The following LRRC1 variants were observed in gnomAD, a reference collection of about 807,000 sequenced individuals.
LRRC1 encodes leucine rich repeat containing 1, also known as leucine-rich repeat-containing protein 1.
Under a neutral mutation model 69.9 loss-of-function variants are expected in LRRC1, and 28 were observed. The observed-to-expected ratio is 0.40, with a 90% CI of 0.30 to 0.55. LRRC1 has a LOEUF of 0.55. LRRC1 is among the 20% of genes least tolerant of loss of function. The pLI is 0.47. For missense variants in LRRC1, 498 were observed against 609.0 expected, an observed-to-expected ratio of 0.82 and a Z score of 1.92; for synonymous variants, 236 against 240.2, an observed-to-expected ratio of 0.98 and a Z score of 0.16.
At chr6:53,816,521 T>C (rs1020899370) in intron 1 of LRRC1, among the ~76,000 whole-genome samples, 1 of 152,116 alleles carries the variant, frequency 6.6e-6, no homozygotes, top group Non-Finnish European at 1.5e-5. Flanking sequence ...GCCAAGTGAC[T>C]ATAGAAATCA....
At chr6:53,811,579 A>T (rs1764795168) in intron 1 of LRRC1, among the ~76,000 whole-genome samples, 1 of 152,242 alleles carries the variant, frequency 6.6e-6, no homozygotes, top group South Asian at 2.1e-4. Context: ...CCTCAGTTGT[A>T]ACTTTTAAAA....
At chr6:53,826,132 G>T (rs1237878725) in intron 1 of LRRC1, among the ~76,000 whole-genome samples, 1 of 150,040 alleles carries the variant, frequency 6.7e-6, no homozygotes, top group African/African-American at 2.5e-5. Flanking sequence ...ACCTACTCCT[G>T]CCAGCCCCCT....
intron 2 of LRRC1, among the ~76,000 whole-genome samples, chr6:53,867,837 C>T (rs372713924): frequency 1.3e-4 from 19 of 151,262 alleles, no homozygotes; most frequent in African/African-American, 4.1e-4. Context: ...CACCTGTAGT[C>T]GCAGCTAGTT....
At chr6:53,888,080 G>A (rs907129627) in intron 4 of LRRC1, among the ~76,000 whole-genome samples, 4 of 152,194 alleles carry the variant, frequency 2.6e-5, no homozygotes, top group South Asian at 2.1e-4. Flanking sequence ...TTGGTACAAT[G>A]TGTGAATGAA....
chr6:53,919,431 G>C, intron 11 of LRRC1, 67 bp from the exon 12 acceptor site: 1 of 1,241,674 alleles, frequency 8.1e-7, no homozygotes, highest in South Asian at 1.8e-5. Flanking sequence ...TTTGTTGATA[G>C]GGATTGATTT....
chr6:53,884,585 C>T (rs1490620128), intron 4 of LRRC1, among the ~76,000 whole-genome samples: 4 of 152,104 alleles, frequency 2.6e-5, no homozygotes, highest in African/African-American at 9.7e-5. Flanking sequence ...CCTCCTCTTG[C>T]TCCTCAGGAT....
In LRRC1 at chr6:53,914,707, C is replaced by G. The variant is rs147207779; in HGVS notation, c.1106+738C>G. On this transcript the variant is annotated intron_variant, in intron 11 of 13. Coordinates refer to ENST00000370888, the MANE Select transcript of LRRC1 (RefSeq NM_018214.5). ...CGCCTTCTCTGTGAACAGAAACAGGCTATTCTTTCTTTTGGGGACCCTCTT... is the reference window on the plus strand; with the variant it reads ...CGCCTTCTCTGTGAACAGAAACAGGGTATTCTTTCTTTTGGGGACCCTCTT... Among the ~76,000 whole-genome samples the G allele has an allele frequency of 2.0e-3, 298 of 152,310 alleles. 1 individual carries two copies. Among genetic ancestry groups the G allele is most frequent in the African/African-American group, 7.0e-3 (290 of 41,570 alleles).
intron 1 of LRRC1, among the ~76,000 whole-genome samples, chr6:53,798,676 G>A (rs1388432388): frequency 6.6e-6 from 1 of 152,202 alleles, no homozygotes; most frequent in African/African-American, 2.4e-5. Flanking sequence ...ACCATGCCCG[G>A]CCTTACCTTT....
chr6:53,810,358 C>T (rs1764755984), intron 1 of LRRC1, among the ~76,000 whole-genome samples: 1 of 152,212 alleles, frequency 6.6e-6, no homozygotes, highest in Admixed American at 6.5e-5. Flanking sequence ...TGGTGGCTCA[C>T]ACCTGTAATC....
Position 53,826,771 on chromosome 6 carries a change from A to AT in LRRC1, c.160-15338dup, listed in dbSNP as rs1218701361. Among the ~76,000 whole-genome samples the AT allele has an allele frequency of 2.0e-5, 3 of 151,982 alleles. No individual in the cohort carries two copies. In the East Asian group the frequency reaches 5.8e-4, roughly 29 times the overall value. On this transcript the variant is annotated intron_variant, in intron 1 of 13. Transcript: ENST00000370888. ...AATCTTAACACCACTGATGTACTGT[A>AT]TATCTGTATATATACTGTGGCCCTT...
chr6:53,870,471 T>C (rs9296721), intron 2 of LRRC1, among the ~76,000 whole-genome samples: 129,193 of 152,178 alleles, frequency 0.85, 54,938 homozygotes, highest in East Asian at 0.96. Flanking sequence ...TTCTTTCTCA[T>C]TGCTGTAATT....
At chr6:53,808,517 A>G (rs375505314) in intron 1 of LRRC1, among the ~76,000 whole-genome samples, 3 of 152,258 alleles carry the variant, frequency 2.0e-5, no homozygotes, top group African/African-American at 7.2e-5. Context: ...ACTTCCTGTG[A>G]TTAACTCTTT....
intron 2 of LRRC1, among the ~76,000 whole-genome samples, chr6:53,850,947 C>T (rs1766108228): frequency 2.6e-5 from 4 of 152,080 alleles, no homozygotes; most frequent in Admixed American, 2.0e-4. Flanking sequence ...AGGTAGTGTA[C>T]ACCATTTCTA....
At chr6:53,899,709 T>C in intron 7 of LRRC1, 38 bp from the exon 8 acceptor site, 1 of 1,605,296 alleles carries the variant, frequency 6.2e-7, no homozygotes, top group Non-Finnish European at 8.5e-7. Context: ...CTGTGGCAGG[T>C]TTAAGTGTGC....
At chr6:53,870,144 T>C (rs1766834992) in intron 2 of LRRC1, among the ~76,000 whole-genome samples, 1 of 152,204 alleles carries the variant, frequency 6.6e-6, no homozygotes, top group Admixed American at 6.5e-5. Context: ...TGTCTGGACT[T>C]AGTCCAGCTG....
At chr6:53,842,506 A>G (rs1213063628) in intron 2 of LRRC1, among the ~76,000 whole-genome samples, 3 of 152,208 alleles carry the variant, frequency 2.0e-5, no homozygotes, top group African/African-American at 7.2e-5. Flanking sequence ...CATTTTCCAA[A>G]AAAAATTTCA....
chr6:53,832,972 G>A (rs554657088), intron 1 of LRRC1, among the ~76,000 whole-genome samples: 3 of 151,822 alleles, frequency 2.0e-5, no homozygotes, highest in South Asian at 2.1e-4. Flanking sequence ...ATTTTTAATG[G>A]CCATATAATA....
chr6:53,889,668 ATTTTC>A (rs2127433558), intron 4 of LRRC1, among the ~76,000 whole-genome samples: 2 of 152,124 alleles, frequency 1.3e-5, no homozygotes, highest in South Asian at 2.1e-4. Flanking sequence ...ATGAGTATGA[ATTTTC>A]TTTTCGGTAT....
At chr6:53,894,970 C>T (rs1242884725) in intron 4 of LRRC1, among the ~76,000 whole-genome samples, 3 of 147,810 alleles carry the variant, frequency 2.0e-5, no homozygotes, top group Non-Finnish European at 4.5e-5. Context: ...CTCGCTCTGT[C>T]GCCCAGGCGT....
Sources: allele counts gnomAD v4.1 joint callset (sites outside exome capture counted in the v4.1 genomes callset), GRCh38; gene constraint gnomAD v4.1.1; transcripts MANE v1.5; gene names NCBI Gene and HGNC (gene_info 2026-07-23, HGNC 2026-07-21).